Variants in PDE11A observed in about 807,000 individuals in gnomAD.
The protein encoded by PDE11A is phosphodiesterase 11A.
Under a neutral mutation model 100.5 loss-of-function variants are expected in PDE11A, and 100 were observed. That is an observed-to-expected ratio of 1.00 (90% CI 0.85 to 1.18). PDE11A has a LOEUF of 1.18. Ranked by LOEUF, PDE11A falls within the 50% of genes most tolerant of loss-of-function variation. The pLI is 0.00. For synonymous variants in PDE11A, 381 were observed against 420.8 expected, an observed-to-expected ratio of 0.91 and a Z score of 1.16; for missense variants, 1,141 against 1,152.6, an observed-to-expected ratio of 0.99 and a Z score of 0.15.
rs188034596 is a variant in PDE11A at position 177,837,566 on chromosome 2, C to T, written c.1500+2685G>A. Among the ~76,000 whole-genome samples, 87 of 151,928 alleles carry T rather than the reference C, an allele frequency of 5.7e-4. 1 individual carries two copies. Among genetic ancestry groups the T allele is most frequent in the Non-Finnish European group, 5.9e-5 (4 of 67,958 alleles). On this transcript the variant is annotated intron_variant, in intron 6 of 19. Transcript: ENST00000286063. Reference sequence around the variant, plus strand: ...TCAGCTCACTGCAAGCTCTGCTTCCCGGGTTTACGGAGAATGAGTACTTTC... The same window carrying T: ...TCAGCTCACTGCAAGCTCTGCTTCCTGGGTTTACGGAGAATGAGTACTTTC...
intron 2 of PDE11A, among the ~76,000 whole-genome samples, chr2:177,969,489 T>C (rs923463074): frequency 9.9e-5 from 15 of 152,270 alleles, no homozygotes; most frequent in African/African-American, 3.6e-4. Flanking sequence ...CTGTTAATGT[T>C]GATATAAACA....
intron 2 of PDE11A, among the ~76,000 whole-genome samples, chr2:177,941,404 C>G (rs1056753705): frequency 1.2e-4 from 18 of 152,148 alleles, no homozygotes; most frequent in Admixed American, 8.5e-4. Flanking sequence ...TATCCTTTTC[C>G]TGATGCAAGT....
chr2:177,728,029 A>G lies in PDE11A; in HGVS notation c.1932T>C (p.Tyr644=). The stretch of plus-strand genomic sequence containing the variant: ...TCACCCAAGACAGACATCTTACCTC[A>G]TAGTCAATTTTAAATTTCTGTACCA... The part of the protein sequence containing the change: ...LGMVQKFKID[Y]ETLCRWLLTV... Residue 644 remains tyrosine, a synonymous_variant, in exon 11 of 20, where the codon TAT becomes TAC. Coordinates refer to ENST00000286063, the MANE Select transcript of PDE11A (RefSeq NM_016953.4). The G allele has an allele frequency of 6.2e-7, 1 of 1,612,900 alleles. No individual in the cohort carries two copies.
chr2:178,084,521 A>C (rs948675578), intron 2 of PDE11A, among the ~76,000 whole-genome samples: 4 of 152,212 alleles, frequency 2.6e-5, no homozygotes, highest in Admixed American at 2.0e-4. Context: ...AGAAATGCTG[A>C]TGGTTTCGCA....
intron 12 of PDE11A, 147 bp from the exon 13 acceptor site, chr2:177,712,025 G>A: frequency 1.6e-6 from 1 of 636,412 alleles, no homozygotes; most frequent in Non-Finnish European, 2.9e-6. Context: ...ACAGTAAGTT[G>A]GGTGGTCAGT....
chr2:177,820,887 G>A (rs1227825368), intron 6 of PDE11A, among the ~76,000 whole-genome samples: 1 of 151,794 alleles, frequency 6.6e-6, no homozygotes, highest in Non-Finnish European at 1.5e-5. Context: ...AAATACAGAG[G>A]TATAATTATC....
intron 9 of PDE11A, among the ~76,000 whole-genome samples, chr2:177,771,150 T>A (rs1347800709): frequency 6.6e-6 from 1 of 152,168 alleles, no homozygotes; most frequent in East Asian, 1.9e-4. Context: ...TCTACACAAA[T>A]CTCAAACAAA....
intron 6 of PDE11A, among the ~76,000 whole-genome samples, chr2:177,835,029 G>A (rs551895279): frequency 6.6e-6 from 1 of 152,040 alleles, no homozygotes; most frequent in African/African-American, 2.4e-5. Flanking sequence ...GAACGCAAAG[G>A]TTATGACAAC....
chr2:177,833,683 C>T (rs116228432), intron 6 of PDE11A, among the ~76,000 whole-genome samples: 43 of 152,280 alleles, frequency 2.8e-4, no homozygotes, highest in African/African-American at 1.0e-3. Flanking sequence ...AGGGCCAATC[C>T]ATTTTGGGGC....
intron 1 of PDE11A, chr2:178,105,725 G>A (rs1429055268): frequency 2.6e-5 from 29 of 1,106,600 alleles, no homozygotes; most frequent in Non-Finnish European, 3.5e-5. Context: ...CTCACCTGCA[G>A]CCTGGCACCC....
chr2:177,881,011 G>A (rs1392651319), intron 4 of PDE11A, among the ~76,000 whole-genome samples: 1 of 152,214 alleles, frequency 6.6e-6, no homozygotes, highest in African/African-American at 2.4e-5. Flanking sequence ...GTTTCTGGAA[G>A]AGATTAGCAT....
At chr2:177,824,789 T>C (rs2083201281) in intron 6 of PDE11A, among the ~76,000 whole-genome samples, 2 of 152,196 alleles carry the variant, frequency 1.3e-5, no homozygotes, top group Non-Finnish European at 2.9e-5. Flanking sequence ...ATTAAAATCA[T>C]GCTATAGAAG....
chr2:177,694,424 A>G (rs1284765507), intron 15 of PDE11A, among the ~76,000 whole-genome samples: 1 of 152,216 alleles, frequency 6.6e-6, no homozygotes, highest in Non-Finnish European at 1.5e-5. Flanking sequence ...AAGGAGCATT[A>G]ATCCAGAAAA....
intron 1 of PDE11A, among the ~76,000 whole-genome samples, chr2:178,067,901 A>C (rs114695553): frequency 0.014 from 2,196 of 152,278 alleles, 46 homozygotes; most frequent in African/African-American, 0.05. Flanking sequence ...GCGCACCTGT[A>C]ACCCTTCAGC....
chr2:177,881,320 CT>C (rs1275522723), intron 4 of PDE11A, among the ~76,000 whole-genome samples: 3 of 149,268 alleles, frequency 2.0e-5, no homozygotes, highest in Non-Finnish European at 4.4e-5. Flanking sequence ...ATCTTTATCT[CT>C]ATCTATCTAT....
chr2:178,056,714 A>T (rs1335298561), intron 1 of PDE11A, among the ~76,000 whole-genome samples: 1 of 152,226 alleles, frequency 6.6e-6, no homozygotes, highest in Non-Finnish European at 1.5e-5. Flanking sequence ...GTAAAAAAAT[A>T]ATTGTTTTAT....
chr2:177,852,848 C>T (rs906267107), intron 5 of PDE11A, among the ~76,000 whole-genome samples: 2 of 152,140 alleles, frequency 1.3e-5, no homozygotes, highest in African/African-American at 2.4e-5. Context: ...TTAGTGGAGT[C>T]GCCTTTAATG....
intron 4 of PDE11A, among the ~76,000 whole-genome samples, chr2:177,894,609 G>A (rs2084580632): frequency 6.6e-6 from 1 of 152,060 alleles, no homozygotes; most frequent in African/African-American, 2.4e-5. Flanking sequence ...ATACACAGCT[G>A]AGCAGCATTA....
At chr2:177,919,581 A>G (rs2085008373) in intron 2 of PDE11A, among the ~76,000 whole-genome samples, 1 of 152,164 alleles carries the variant, frequency 6.6e-6, no homozygotes, top group Non-Finnish European at 1.5e-5. Flanking sequence ...ATATTCTAAG[A>G]GGTCATTTGA....
Sources: allele counts gnomAD v4.1 joint callset (sites outside exome capture counted in the v4.1 genomes callset), GRCh38; gene constraint gnomAD v4.1.1; transcripts MANE v1.5; gene names NCBI Gene and HGNC (gene_info 2026-07-23, HGNC 2026-07-21).